Variants in PSMB3 observed in about 807,000 individuals in gnomAD.
PSMB3 encodes proteasome subunit beta type-3.
In PSMB3, 5 loss-of-function variants were observed where a neutral mutation model predicts 23.3. That is an observed-to-expected ratio of 0.21 (90% CI 0.11 to 0.45). The LOEUF is 0.45. Among genes scored for constraint, PSMB3 ranks in the 20% least tolerant of loss-of-function variants. PSMB3 has a pLI of 0.99. For synonymous variants in PSMB3, 85 were observed against 99.8 expected (o/e 0.85, Z 0.88); for missense variants, 192 against 277.9 (o/e 0.69, Z 2.20).
At position 38,756,052 on chromosome 17, in the gene PSMB3, G is replaced by A. The variant is rs150241327; in HGVS notation, c.296+62G>A. The A allele has an allele frequency of 0.015, 19,375 of 1,312,342 alleles. 190 individuals carry two copies. The highest frequency in any genetic ancestry group is 0.017 in the Non-Finnish European group (15,545 of 910,214). 81.3% of individuals were successfully genotyped at this position (1,312,342 alleles called of 1,614,324 possible). A position where few individuals can be genotyped will look rare whatever the true frequency, so the allele number is the denominator to read the frequency against. On this transcript the variant is annotated intron_variant, in intron 3 of 5. Transcript: ENST00000619426. ...ACATCTTTGAATGTAGTATGGAGTAGGTACTGAGGAAGAGGACTCTCCTTG... is the reference window on the plus strand; with the variant it reads ...ACATCTTTGAATGTAGTATGGAGTAAGTACTGAGGAAGAGGACTCTCCTTG...
In PSMB3 at chr17:38,763,382, CCAAAAAACA is replaced by C. The variant is rs551558312; in HGVS notation, c.570-736_570-728del. ...AAAAACAAAAACAAAAACAAAAAAC[CCAAAAAACA>C]GAATTTACCACCGACGGTTTTTTTT... is the stretch of plus-strand genomic sequence containing the variant. On this transcript the variant is annotated intron_variant, in intron 5 of 5. Coordinates refer to ENST00000619426, the MANE Select transcript of PSMB3 (RefSeq NM_002795.4). 9.9e-5 allele frequency among the ~76,000 whole-genome samples: 15 copies of C among 151,890 alleles called. No individual in the cohort carries two copies. The South Asian group carries it at 3.1e-3, about 32-fold the overall frequency.
intron 2 of PSMB3, among the ~76,000 whole-genome samples, 192 bp from the exon 3 acceptor site, chr17:38,755,686 GTGTGT>G (rs1908159710): frequency 1.6e-5 from 2 of 122,174 alleles, no homozygotes; most frequent in African/African-American, 7.8e-5. Context: ...ATATATATGT[GTGTGT>G]GTGTGTGTGT....
At chr17:38,756,446 T>C (rs1457593069) in intron 3 of PSMB3, among the ~76,000 whole-genome samples, 1 of 152,178 alleles carries the variant, frequency 6.6e-6, no homozygotes, top group Admixed American at 6.5e-5. Flanking sequence ...ACCCTGTGGG[T>C]GCTTTCTACC....
At chr17:38,761,492 C>T (rs542208869) in intron 4 of PSMB3, among the ~76,000 whole-genome samples, 1 of 152,266 alleles carries the variant, frequency 6.6e-6, no homozygotes, top group East Asian at 1.9e-4. Context: ...CTCTTCCGGC[C>T]ACTGGGGAAA....
intron 5 of PSMB3, 43 bp downstream of exon 5, chr17:38,762,548 C>T: frequency 6.5e-7 from 1 of 1,543,046 alleles, no homozygotes; most frequent in Admixed American, 1.7e-5. Context: ...TGCAGACACC[C>T]TGCCTCTCTC....
chr17:38,754,336 G>T (rs944191794), intron 2 of PSMB3, among the ~76,000 whole-genome samples: 5 of 152,144 alleles, frequency 3.3e-5, no homozygotes, highest in African/African-American at 1.2e-4. Flanking sequence ...CAGGCTGGGT[G>T]GTGGGCACCT....
Position 38,764,182 on chromosome 17 carries a change from C to T in PSMB3, c.*15C>T, listed in dbSNP as rs200971411. 3.1e-6 allele frequency: 5 copies of T among 1,612,602 alleles called. No individual in the cohort carries two copies. Among genetic ancestry groups the T allele is most frequent in the Non-Finnish European group, 4.2e-6 (5 of 1,179,296 alleles). On this transcript the variant is annotated 3_prime_UTR_variant, in exon 6 of 6. Transcript: ENST00000619426. ...GAATGGACTAACCCTGTTCCCAGAG[C>T]CCACTTTTTTTTCTTTTTTTGAAAT...
intron 3 of PSMB3, among the ~76,000 whole-genome samples, chr17:38,759,119 T>C (rs1362011161): frequency 4.6e-5 from 7 of 152,260 alleles, no homozygotes; most frequent in Admixed American, 4.6e-4. Flanking sequence ...TGACTCTTTC[T>C]ACTGAGGATA....
intron 3 of PSMB3, 63 bp downstream of exon 3, chr17:38,756,053 G>A: frequency 7.7e-7 from 1 of 1,305,962 alleles, no homozygotes; most frequent in Non-Finnish European, 1.1e-6. Context: ...TATGGAGTAG[G>A]TACTGAGGAA....
intron 3 of PSMB3, among the ~76,000 whole-genome samples, chr17:38,756,348 G>A (rs965478881): frequency 3.9e-5 from 6 of 152,106 alleles, no homozygotes; most frequent in African/African-American, 2.4e-5. Flanking sequence ...GTTCATTTTC[G>A]TCAGTTCTCC....
Position 38,755,659 on chromosome 17 carries a change from AAT to A in PSMB3, c.189-201_189-200del, listed in dbSNP as rs1156759896. ...TGAGACTCCGTCTAAAAAAAAAAAA[AAT>A]ATATATATATATATATATATATGTG... On this transcript the variant is annotated intron_variant, in intron 2 of 5. Coordinates refer to ENST00000619426, the MANE Select transcript of PSMB3 (RefSeq NM_002795.4). 2.6e-3 allele frequency among the ~76,000 whole-genome samples: 247 copies of A among 96,842 alleles called. 2 individuals carry two copies. The highest frequency in any genetic ancestry group is 3.5e-3 in the Non-Finnish European group (185 of 53,386). The allele number at this position is 96,842 out of a possible 152,430, so 63.5% of individuals were successfully genotyped here.
intron 3 of PSMB3, among the ~76,000 whole-genome samples, chr17:38,759,014 C>G (rs896603173): frequency 5.3e-5 from 8 of 152,102 alleles, no homozygotes; most frequent in African/African-American, 1.9e-4. Context: ...CCACTGCACT[C>G]CAGCCTGGGC....
chr17:38,755,659 AATATATATATAT>A (rs1156759896), intron 2 of PSMB3, among the ~76,000 whole-genome samples: 8 of 96,928 alleles, frequency 8.3e-5, no homozygotes, highest in African/African-American at 4.0e-4. Context: ...AAAAAAAAAA[AATATATATATAT>A]ATATATATAT....
Position 38,764,121 on chromosome 17 carries a change from A to G in PSMB3, c.572A>G (p.Glu191Gly). The change falls in exon 6 of 6, where the codon GAG becomes GGG. Residue 191 changes from glutamate (E) to glycine (G), a missense_variant and splice_region_variant. Transcript: ENST00000619426. Reference protein sequence around the residue: ...SGMGVIVHIIEKDKITTRTLK... With the variant: ...SGMGVIVHIIGKDKITTRTLK... ...CTTGTGATTTTCTCCCTCTGCAGCG[A>G]GAAGGACAAAATCACCACCAGGACA... 6.2e-7 allele frequency: 1 copy of G among 1,614,228 alleles called. No homozygotes were observed. The highest frequency in any genetic ancestry group is 2.2e-5 in the East Asian group (1 of 44,890).
At chr17:38,757,620 T>G (rs1032305660) in intron 3 of PSMB3, among the ~76,000 whole-genome samples, 1 of 149,256 alleles carries the variant, frequency 6.7e-6, no homozygotes, top group Admixed American at 6.7e-5. Flanking sequence ...ATCAAGACCA[T>G]CCTGGTCAAC....
intron 3 of PSMB3, among the ~76,000 whole-genome samples, chr17:38,756,618 GC>G (rs1255121561): frequency 5.9e-5 from 9 of 151,454 alleles, no homozygotes; most frequent in Non-Finnish European, 1.3e-4. Flanking sequence ...GCCTCAGCCT[GC>G]CATGTAGCTG....
At chr17:38,761,440 A>G (rs1019437590) in intron 4 of PSMB3, among the ~76,000 whole-genome samples, 7 of 151,756 alleles carry the variant, frequency 4.6e-5, no homozygotes, top group African/African-American at 1.2e-4. Context: ...GAGATGAGAT[A>G]GTGCTTGACG....
chr17:38,760,369 C>T (rs1292183259), intron 3 of PSMB3, 62 bp from the exon 4 acceptor site: 63 of 1,575,664 alleles, frequency 4.0e-5, no homozygotes, highest in Non-Finnish European at 5.2e-5. Flanking sequence ...TCTGAATAGG[C>T]TTAAACATGA....
intron 5 of PSMB3, among the ~76,000 whole-genome samples, chr17:38,763,224 C>T (rs1190638029): frequency 1.3e-5 from 2 of 151,944 alleles, no homozygotes; most frequent in African/African-American, 2.4e-5. Context: ...CGTGGTGTCA[C>T]GTGCCTGTAA....
Sources: gnomAD v4.1 joint callset for allele counts (sites outside exome capture counted in the v4.1 genomes callset) on GRCh38, gnomAD v4.1.1 for gene constraint, MANE v1.5 for transcripts, NCBI Gene and HGNC (gene_info 2026-07-23, HGNC 2026-07-21) for gene names.